The following CLYBL variants were observed in gnomAD, a reference collection of about 807,000 sequenced individuals.
CLYBL encodes citramalyl-CoA lyase, mitochondrial.
In CLYBL, 31 loss-of-function variants were observed where a neutral mutation model predicts 38.9. The ratio of observed to expected loss-of-function variants is 0.80; its 90% CI spans 0.60 to 1.08. The LOEUF (loss-of-function observed/expected upper bound fraction) is 1.08, where lower values mean the gene tolerates loss of function less well. Ranked by LOEUF, CLYBL falls within the 50% of genes least tolerant of loss-of-function variation. The pLI is 0.00. For missense variants in CLYBL, 434 were observed against 411.6 expected (o/e 1.05, Z -0.47); for synonymous variants, 171 against 158.6 (o/e 1.08, Z -0.59).
chr13:99,837,573 G>A (rs1458738073), intron 2 of CLYBL, among the ~76,000 whole-genome samples: 1 of 152,236 alleles, frequency 6.6e-6, no homozygotes, highest in Non-Finnish European at 1.5e-5. Context: ...AAGTAGAAAT[G>A]TCACCTAGTA....
chr13:99,730,006 GC>G (rs1195324870), intron 1 of CLYBL, among the ~76,000 whole-genome samples: 2 of 152,040 alleles, frequency 1.3e-5, no homozygotes, highest in Non-Finnish European at 2.9e-5. Context: ...CATTGCCGGT[GC>G]CCCCCTACCA....
chr13:99,696,883 A>C (rs2047987899), intron 1 of CLYBL, among the ~76,000 whole-genome samples: 1 of 152,230 alleles, frequency 6.6e-6, no homozygotes, highest in Non-Finnish European at 1.5e-5. Flanking sequence ...AAATATCTGT[A>C]GACAGTTTAA....
At chr13:99,709,984 C>T (rs1261298186) in intron 1 of CLYBL, among the ~76,000 whole-genome samples, 1 of 135,442 alleles carries the variant, frequency 7.4e-6, no homozygotes, top group East Asian at 2.2e-4. Context: ...AGTGCAGTGG[C>T]GCTATCTGGG....
rs551550307 is a variant in CLYBL at position 99,699,085 on chromosome 13, A to G, written c.63-73739A>G. Among the ~76,000 whole-genome samples the G allele has an allele frequency of 2.4e-4, 36 of 152,178 alleles. No individual in the cohort carries two copies. In the South Asian group the frequency reaches 6.4e-3, roughly 27 times the overall value. ...CATGGAGGAAATGTTAAACACTGAC[A>G]TTTTAAAAAATGAACCTGGGACTGG... On this transcript the variant is annotated intron_variant, in intron 1 of 8. Coordinates refer to ENST00000339105, the MANE Select transcript of CLYBL (RefSeq NM_206808.5).
chr13:99,708,993 T>C (rs997592200), intron 1 of CLYBL, among the ~76,000 whole-genome samples: 2 of 151,892 alleles, frequency 1.3e-5, no homozygotes, highest in South Asian at 4.2e-4. Context: ...CTCGGGAGGC[T>C]GAGGCAGGAG....
intron 8 of CLYBL, among the ~76,000 whole-genome samples, chr13:99,904,751 A>C (rs992096626): frequency 6.6e-6 from 1 of 152,246 alleles, no homozygotes; most frequent in Admixed American, 6.5e-5. Context: ...AAAACTGTAC[A>C]GTTTTTATGA....
chr13:99,838,347 G>T (rs11843458), intron 2 of CLYBL, among the ~76,000 whole-genome samples: 2,520 of 152,246 alleles, frequency 0.017, 69 homozygotes, highest in African/African-American at 0.057. Context: ...GAGGAGGGGG[G>T]TTCTTTCGAG....
chr13:99,861,095 A>C (rs1046488224), intron 3 of CLYBL, among the ~76,000 whole-genome samples: 3 of 151,686 alleles, frequency 2.0e-5, no homozygotes, highest in South Asian at 2.1e-4. Context: ...CCCCTACCCC[A>C]GTCCCCTCCA....
At chr13:99,851,391 G>A (rs1566353724) in intron 2 of CLYBL, among the ~76,000 whole-genome samples, 1 of 145,184 alleles carries the variant, frequency 6.9e-6, no homozygotes, top group African/African-American at 2.5e-5. Context: ...AAAAAAAAAA[G>A]GTTTGGAAAT....
intron 1 of CLYBL, among the ~76,000 whole-genome samples, chr13:99,739,974 G>A (rs2048725263): frequency 1.3e-5 from 2 of 150,638 alleles, no homozygotes; most frequent in South Asian, 2.1e-4. Flanking sequence ...TCCATCTTGA[G>A]GAAAAAAAAA....
At chr13:99,907,673 G>C (rs1019184541) in intron 9 of CLYBL, among the ~76,000 whole-genome samples, 1 of 152,020 alleles carries the variant, frequency 6.6e-6, no homozygotes, top group Non-Finnish European at 1.5e-5. Context: ...GCCTGGCAAC[G>C]TAGCATGACC....
chr13:99,843,746 C>T (rs1307477340), intron 2 of CLYBL, among the ~76,000 whole-genome samples: 2 of 152,010 alleles, frequency 1.3e-5, no homozygotes, highest in Non-Finnish European at 2.9e-5. Context: ...AGATTACAGG[C>T]GTGCGCCACC....
intron 1 of CLYBL, among the ~76,000 whole-genome samples, chr13:99,719,842 T>A (rs1020721227): frequency 1.3e-5 from 2 of 152,148 alleles, no homozygotes; most frequent in African/African-American, 4.8e-5. Flanking sequence ...ACCTTTTTAT[T>A]TTTTACTTTC....
intron 1 of CLYBL, among the ~76,000 whole-genome samples, chr13:99,669,448 C>G (rs1424632041): frequency 6.6e-6 from 1 of 152,024 alleles, no homozygotes; most frequent in Non-Finnish European, 1.5e-5. Context: ...TTTCTAGGAA[C>G]TGGAGAGAGG....
At chr13:99,864,639 A>G (rs2051693227) in intron 4 of CLYBL, among the ~76,000 whole-genome samples, 179 bp from the exon 5 acceptor site, 1 of 152,268 alleles carries the variant, frequency 6.6e-6, no homozygotes, top group African/African-American at 2.4e-5. Context: ...TATACAATAT[A>G]CTTATCTTGG....
At chr13:99,879,211 A>C (rs1594241724) in intron 7 of CLYBL, among the ~76,000 whole-genome samples, 1 of 152,220 alleles carries the variant, frequency 6.6e-6, no homozygotes, top group Non-Finnish European at 1.5e-5. Flanking sequence ...TGCCAAGAAC[A>C]ACACACAAAT....
chr13:99,879,447 G>A (rs1447629967), intron 7 of CLYBL, among the ~76,000 whole-genome samples: 5 of 152,070 alleles, frequency 3.3e-5, no homozygotes, highest in South Asian at 4.1e-4. Context: ...GGTGTCCTGC[G>A]TTTCAGTACC....
chr13:99,631,997 G>A (rs951612791), intron 1 of CLYBL, among the ~76,000 whole-genome samples: 5 of 152,258 alleles, frequency 3.3e-5, no homozygotes, highest in Middle Eastern at 3.4e-3. Context: ...GACAAACTGC[G>A]GTGGATAAGG....
At chr13:99,838,214 C>T (rs116538230) in intron 2 of CLYBL, among the ~76,000 whole-genome samples, 1 of 152,086 alleles carries the variant, frequency 6.6e-6, no homozygotes, top group Non-Finnish European at 1.5e-5. Context: ...CTAAGGGATA[C>T]TCAAAACATT....
Sources: gnomAD v4.1 joint callset for allele counts (sites outside exome capture counted in the v4.1 genomes callset) on GRCh38, gnomAD v4.1.1 for gene constraint, MANE v1.5 for transcripts, NCBI Gene and HGNC (gene_info 2026-07-23, HGNC 2026-07-21) for gene names.